Variants in PCNX2 observed in about 807,000 individuals in gnomAD.
PCNX2 encodes pecanex-like protein 2.
PCNX2 carries 168 observed loss-of-function variants against 223.8 expected under a neutral mutation model. The ratio of observed to expected loss-of-function variants is 0.75; its 90% confidence interval spans 0.66 to 0.85. PCNX2 has a LOEUF of 0.85. Among genes scored for constraint, PCNX2 ranks in the 40% least tolerant of loss-of-function variants. PCNX2 has a pLI of 0.00. For missense variants in PCNX2, 2,507 were observed against 2,675.5 expected (o/e 0.94, Z 1.39); for synonymous variants, 1,006 against 1,052.6 (o/e 0.96, Z 0.86).
chr1:233,284,889 T>C (rs1661366615), intron 1 of PCNX2: 2 of 901,200 alleles, frequency 2.2e-6, no homozygotes, highest in African/African-American at 3.6e-5. Flanking sequence ...TCAACCATAG[T>C]GACTGGTATG....
At chr1:233,120,676 C>G (rs1675730228) in intron 21 of PCNX2, among the ~76,000 whole-genome samples, 1 of 151,996 alleles carries the variant, frequency 6.6e-6, no homozygotes, top group Non-Finnish European at 1.5e-5. Flanking sequence ...AAGACAATCC[C>G]CAAAAGTTAT....
intron 32 of PCNX2, among the ~76,000 whole-genome samples, chr1:232,994,126 T>C (rs1405140962): frequency 1.3e-5 from 2 of 152,160 alleles, no homozygotes; most frequent in African/African-American, 4.8e-5. Flanking sequence ...AGGGCCACCA[T>C]CCTCCAGATC....
intron 9 of PCNX2, chr1:233,232,978 T>A: frequency 2.0e-6 from 2 of 985,404 alleles, no homozygotes; most frequent in African/African-American, 1.7e-5. Context: ...ACAAGCTGAA[T>A]GAGTTGGAGA....
chr1:233,325,143 T>C, the PCNX2 span, among the ~76,000 whole-genome samples: 1 of 152,138 alleles, frequency 6.6e-6, no homozygotes, highest in African/African-American at 2.4e-5. Context: ...GTGCCAAAGA[T>C]AGCAATTGCT....
chr1:233,017,195 ATC>A (rs747624195), intron 26 of PCNX2, 41 bp from the exon 27 acceptor site: 1 of 767,084 alleles, frequency 1.3e-6, no homozygotes, highest in East Asian at 5.9e-5. Flanking sequence ...TATTAATTTA[ATC>A]TTAGAAAGTA....
chr1:233,005,659 CT>C, intron 28 of PCNX2, among the ~76,000 whole-genome samples: 1 of 152,158 alleles, frequency 6.6e-6, no homozygotes, highest in East Asian at 1.9e-4. Context: ...CATTACCTGG[CT>C]TTTTTCCCCC....
chr1:233,244,403 T>A (rs1053257192), intron 8 of PCNX2, among the ~76,000 whole-genome samples: 15 of 152,108 alleles, frequency 9.9e-5, no homozygotes, highest in Non-Finnish European at 4.4e-5. Flanking sequence ...ATTGTTTCCT[T>A]ATGAACTAAT....
chr1:233,208,248 C>T (rs1025838041), intron 13 of PCNX2, among the ~76,000 whole-genome samples: 7 of 152,174 alleles, frequency 4.6e-5, no homozygotes, highest in African/African-American at 1.4e-4. Context: ...TGTGAGCCAC[C>T]GTGCCCAGCC....
At chr1:232,996,247 C>G (rs1669870527) in intron 32 of PCNX2, among the ~76,000 whole-genome samples, 1 of 152,078 alleles carries the variant, frequency 6.6e-6, no homozygotes, top group East Asian at 1.9e-4. Flanking sequence ...TCTGACCCTG[C>G]CCACCCCGCA....
chr1:233,269,938 G>C (rs1293468043), intron 1 of PCNX2, among the ~76,000 whole-genome samples: 1 of 152,202 alleles, frequency 6.6e-6, no homozygotes, highest in Non-Finnish European at 1.5e-5. Flanking sequence ...CATCCAAAAA[G>C]ATAGAATTCA....
intron 15 of PCNX2, among the ~76,000 whole-genome samples, chr1:233,181,927 A>C (rs1220790982): frequency 6.6e-6 from 1 of 152,224 alleles, no homozygotes; most frequent in Non-Finnish European, 1.5e-5. Context: ...CATTCAGTCT[A>C]TAGCATACAC....
intron 1 of PCNX2, among the ~76,000 whole-genome samples, chr1:233,270,758 G>A (rs908812055): frequency 1.3e-5 from 2 of 152,086 alleles, no homozygotes; most frequent in African/African-American, 4.8e-5. Context: ...CTTTCTTAGT[G>A]TGCAGTTTTG....
At chr1:233,081,518 G>A (rs1484020654) in intron 23 of PCNX2, among the ~76,000 whole-genome samples, 1 of 152,154 alleles carries the variant, frequency 6.6e-6, no homozygotes, top group African/African-American at 2.4e-5. Flanking sequence ...GGAGCTGTAA[G>A]AACCAGGCCG....
intron 1 of PCNX2, among the ~76,000 whole-genome samples, chr1:233,286,057 C>T (rs965211634): frequency 2.0e-5 from 3 of 151,700 alleles, no homozygotes; most frequent in Non-Finnish European, 4.4e-5. Flanking sequence ...ATTTCTGGGA[C>T]AAAAAAACAT....
At chr1:233,162,108 C>T (rs935067922) in intron 17 of PCNX2, among the ~76,000 whole-genome samples, 6 of 151,804 alleles carry the variant, frequency 4.0e-5, no homozygotes, top group Admixed American at 1.3e-4. Context: ...TCATACAAAA[C>T]TGTAGTGTAA....
chr1:233,195,574 C>G (rs912647953), intron 15 of PCNX2, among the ~76,000 whole-genome samples: 7 of 152,292 alleles, frequency 4.6e-5, no homozygotes, highest in African/African-American at 1.7e-4. Context: ...TACTAAAATA[C>G]TACCAGAACT....
At chr1:233,282,516 A>C (rs1270766196) in intron 1 of PCNX2, among the ~76,000 whole-genome samples, 1 of 152,118 alleles carries the variant, frequency 6.6e-6, no homozygotes, top group Non-Finnish European at 1.5e-5. Context: ...CCTTCATCTC[A>C]GTCAGTGGCA....
chr1:233,199,795 T>TACACAC (rs60556502), intron 14 of PCNX2, among the ~76,000 whole-genome samples: 5,416 of 147,934 alleles, frequency 0.037, 179 homozygotes, highest in African/African-American at 0.086. Context: ...TGTGCTCAAA[T>TACACAC]ACACACACAC....
At chr1:233,160,783 T>G (rs1041337734) in intron 18 of PCNX2, among the ~76,000 whole-genome samples, 1 of 152,156 alleles carries the variant, frequency 6.6e-6, no homozygotes, top group Non-Finnish European at 1.5e-5. Context: ...GGACAATATT[T>G]TTGTATAGAG....
Sources: allele counts gnomAD v4.1 joint callset (sites outside exome capture counted in the v4.1 genomes callset), GRCh38; gene constraint gnomAD v4.1.1; transcripts MANE v1.5; gene names NCBI Gene and HGNC (gene_info 2026-07-23, HGNC 2026-07-21).